COLEC10: variants seen among roughly 807,000 people sequenced by gnomAD.
COLEC10 encodes collectin subfamily member 10, also known as collectin-10.
In COLEC10, 22 loss-of-function variants were observed where a neutral mutation model predicts 28.4. That is an observed-to-expected ratio of 0.78 (90% CI 0.55 to 1.11). COLEC10 has a LOEUF of 1.11. Among genes scored for constraint, COLEC10 ranks in the 50% least tolerant of loss-of-function variants. COLEC10 has a pLI of 0.00. For synonymous variants in COLEC10, 125 were observed against 116.1 expected (o/e 1.08, Z -0.49); for missense variants, 361 against 344.1 (o/e 1.05, Z -0.39).
the COLEC10 span, among the ~76,000 whole-genome samples, chr8:118,963,170 C>T: frequency 3.0e-4 from 45 of 152,148 alleles, 1 homozygote; most frequent in East Asian, 8.3e-3. Context: ...TCAGGAGTTA[C>T]CAAATAAAGT....
chr8:119,012,248 C>T (rs1813911985), intron 2 of COLEC10, among the ~76,000 whole-genome samples: 1 of 150,856 alleles, frequency 6.6e-6, no homozygotes, highest in African/African-American at 2.5e-5. Context: ...ATTCTTTATC[C>T]TGTTATTGTG....
intron 1 of COLEC10, 43 bp downstream of exon 1, chr8:119,067,472 T>C: frequency 6.3e-7 from 1 of 1,577,766 alleles, no homozygotes; most frequent in African/African-American, 1.4e-5. Context: ...ATAAATATGA[T>C]ATCTTCCCTC....
At chr8:119,058,250 GT>G (rs917367804) in intron 2 of COLEC10, among the ~76,000 whole-genome samples, 6 of 151,624 alleles carry the variant, frequency 4.0e-5, no homozygotes, top group Non-Finnish European at 5.9e-5. Context: ...AGGTTTGAGG[GT>G]TTTTTTTACA....
At chr8:118,975,390 T>C in the COLEC10 span, among the ~76,000 whole-genome samples, 1 of 152,058 alleles carries the variant, frequency 6.6e-6, no homozygotes. Context: ...TTACGGACAA[T>C]TTTTGTGACT....
chr8:118,989,562 C>T, the COLEC10 span, among the ~76,000 whole-genome samples: 3 of 146,988 alleles, frequency 2.0e-5, no homozygotes, highest in African/African-American at 8.0e-5. Context: ...CACACACACA[C>T]ACACACACAC....
intron 1 of COLEC10, among the ~76,000 whole-genome samples, chr8:119,075,881 A>T (rs1285939511): frequency 1.4e-5 from 2 of 143,654 alleles, no homozygotes; most frequent in Admixed American, 1.4e-4. Flanking sequence ...CTCAAGAATG[A>T]TCAGCCATAT....
chr8:119,043,563 T>C (rs933957852), intron 2 of COLEC10, among the ~76,000 whole-genome samples: 4 of 152,216 alleles, frequency 2.6e-5, no homozygotes, highest in African/African-American at 9.6e-5. Flanking sequence ...TAATATTATG[T>C]CTCTGGTGTG....
the COLEC10 span, among the ~76,000 whole-genome samples, chr8:118,954,663 A>G: frequency 2.0e-5 from 3 of 152,222 alleles, no homozygotes; most frequent in South Asian, 6.2e-4. Flanking sequence ...ACCTCATCAG[A>G]TATTCCTCAT....
At chr8:119,022,294 T>G (rs1814113549) in intron 2 of COLEC10, among the ~76,000 whole-genome samples, 1 of 152,090 alleles carries the variant, frequency 6.6e-6, no homozygotes. Flanking sequence ...CTGAGCACCC[T>G]CTCTTAAGGA....
chr8:118,955,681 G>T, the COLEC10 span, among the ~76,000 whole-genome samples: 1 of 152,260 alleles, frequency 6.6e-6, no homozygotes, highest in African/African-American at 2.4e-5. Flanking sequence ...AACACATGGT[G>T]AAGAGGTGGG....
At chr8:119,105,177 G>A (rs185810847) in intron 5 of COLEC10, among the ~76,000 whole-genome samples, 1 of 152,262 alleles carries the variant, frequency 6.6e-6, no homozygotes, top group Non-Finnish European at 1.5e-5. Flanking sequence ...TGAAGCCAAA[G>A]AGTGTCAAAG....
upstream of COLEC10, among the ~76,000 whole-genome samples, chr8:119,067,034 A>G (rs968750617): frequency 3.3e-5 from 5 of 152,174 alleles, no homozygotes; most frequent in Non-Finnish European, 7.4e-5. Context: ...TGACATGCAC[A>G]CTGGAGTTCA....
the COLEC10 span, among the ~76,000 whole-genome samples, chr8:118,961,545 C>T: frequency 3.3e-5 from 5 of 152,296 alleles, no homozygotes; most frequent in East Asian, 5.8e-4. Context: ...GACACTGCCA[C>T]GCTGATTTTG....
the COLEC10 span, among the ~76,000 whole-genome samples, chr8:118,958,854 G>A: frequency 6.6e-6 from 1 of 152,176 alleles, no homozygotes; most frequent in African/African-American, 2.4e-5. Flanking sequence ...CTCCTCACTA[G>A]TGCATCATTA....
upstream of COLEC10, among the ~76,000 whole-genome samples, chr8:119,064,685 G>A (rs1468439031): frequency 6.6e-6 from 1 of 152,082 alleles, no homozygotes; most frequent in Non-Finnish European, 1.5e-5. Flanking sequence ...ATCCACTTTG[G>A]ACATTTTAAG....
intron 2 of COLEC10, among the ~76,000 whole-genome samples, chr8:119,018,694 T>C (rs72682406): frequency 0.14 from 21,074 of 152,258 alleles, 1,586 homozygotes; most frequent in Middle Eastern, 0.23. Context: ...GAATTACCTG[T>C]CTATGAAGAG....
intron 1 of COLEC10, among the ~76,000 whole-genome samples, chr8:119,072,945 T>C (rs1035062501): frequency 2.6e-5 from 4 of 152,154 alleles, no homozygotes; most frequent in Admixed American, 2.6e-4. Context: ...TGACACAACT[T>C]GAATTATTTC....
the COLEC10 span, among the ~76,000 whole-genome samples, chr8:118,990,103 G>C: frequency 6.6e-6 from 1 of 151,932 alleles, no homozygotes; most frequent in Non-Finnish European, 1.5e-5. Context: ...GAGGAAAAAA[G>C]ATAGATAAAA....
chr8:119,007,890 A>T (rs7822098), intron 1 of COLEC10, among the ~76,000 whole-genome samples: 98,403 of 150,364 alleles, frequency 0.65, 33,932 homozygotes, highest in African/African-American at 0.85. Context: ...AAAAATGGGA[A>T]TTAAATATCT....
Sources: allele counts gnomAD v4.1 joint callset (sites outside exome capture counted in the v4.1 genomes callset), GRCh38; gene constraint gnomAD v4.1.1; transcripts MANE v1.5; gene names NCBI Gene and HGNC (gene_info 2026-07-23, HGNC 2026-07-21).